The following GRK3 variants were observed in gnomAD, a reference collection of about 807,000 sequenced individuals.
GRK3 encodes the protein adrenergic, beta, receptor kinase 2.
In GRK3, 54 loss-of-function variants were observed where a neutral mutation model predicts 95.7. The ratio of observed to expected loss-of-function variants is 0.56; its 90% CI spans 0.45 to 0.71. GRK3 has a LOEUF of 0.71. GRK3 is among the 30% of genes least tolerant of loss of function. GRK3 has a pLI of 0.00. For synonymous variants in GRK3, 281 were observed against 290.8 expected (o/e 0.97, Z 0.34); for missense variants, 649 against 851.2 (o/e 0.76, Z 2.96).
chr22:25,625,881 C>T (rs184302886), intron 2 of GRK3, among the ~76,000 whole-genome samples: 5 of 146,310 alleles, frequency 3.4e-5, no homozygotes, highest in South Asian at 2.1e-4. Flanking sequence ...CCAGTGGACA[C>T]GTGACCCACG....
intron 15 of GRK3, among the ~76,000 whole-genome samples, chr22:25,709,611 TGTGC>T (rs2085328105): frequency 6.6e-6 from 1 of 152,150 alleles, no homozygotes; most frequent in East Asian, 1.9e-4. Flanking sequence ...TGTGTGTGTG[TGTGC>T]GTGTGTATAT....
At chr22:25,624,918 T>C (rs1420650315) in intron 2 of GRK3, among the ~76,000 whole-genome samples, 1 of 150,800 alleles carries the variant, frequency 6.6e-6, no homozygotes. Context: ...ATGATGAATC[T>C]CTTTTTTTTT....
intron 2 of GRK3, among the ~76,000 whole-genome samples, chr22:25,618,978 G>A (rs990150645): frequency 1.3e-5 from 2 of 152,106 alleles, no homozygotes; most frequent in Non-Finnish European, 2.9e-5. Context: ...TTTCTCTCTA[G>A]CTTCCTGGCT....
chr22:25,691,188 A>C (rs2085162276), intron 12 of GRK3, among the ~76,000 whole-genome samples: 1 of 152,234 alleles, frequency 6.6e-6, no homozygotes, highest in Admixed American at 6.5e-5. Flanking sequence ...GTGGAAAAGC[A>C]GACAACTTTT....
In GRK3 at chr22:25,564,727, G is replaced by A. The variant is rs1931367532; in HGVS notation, c.-314G>A. 6.6e-6 allele frequency: 1 copy of A among 151,328 alleles called. No individual in the cohort carries two copies. Among genetic ancestry groups the A allele is most frequent in the Non-Finnish European group, 1.5e-5 (1 of 67,746 alleles). 9.4% of individuals were successfully genotyped at this position (151,328 alleles called of 1,614,324 possible). A position where few individuals can be genotyped will look rare whatever the true frequency, so the allele number is the denominator to read the frequency against. ...AGGCCGCTGGGACTGTGCACTGAGGGGCGCTGACCGTTGGACGCGCGCTCC... is the reference window on the plus strand; with the variant it reads ...AGGCCGCTGGGACTGTGCACTGAGGAGCGCTGACCGTTGGACGCGCGCTCC... On this transcript the variant is annotated 5_prime_UTR_variant, in exon 1 of 21. Coordinates refer to ENST00000324198, the MANE Select transcript of GRK3 (RefSeq NM_005160.4).
At chr22:25,628,232 C>T (rs959182618) in intron 2 of GRK3, among the ~76,000 whole-genome samples, 1 of 152,158 alleles carries the variant, frequency 6.6e-6, no homozygotes, top group Non-Finnish European at 1.5e-5. Flanking sequence ...AAAATGGGCA[C>T]TCCTATCCAT....
intron 13 of GRK3, among the ~76,000 whole-genome samples, chr22:25,700,371 A>G (rs1160624000): frequency 6.6e-6 from 1 of 152,192 alleles, no homozygotes; most frequent in Non-Finnish European, 1.5e-5. Flanking sequence ...AATTGATGTG[A>G]CAGTGGCCTC....
At chr22:25,696,555 A>G (rs1197997973) in intron 13 of GRK3, among the ~76,000 whole-genome samples, 4 of 152,370 alleles carry the variant, frequency 2.6e-5, no homozygotes, top group East Asian at 3.9e-4. Context: ...AAATCATTTT[A>G]CATTAAAATT....
intron 1 of GRK3, chr22:25,581,097 A>C (rs1197124258): frequency 2.0e-5 from 3 of 152,220 alleles, no homozygotes; most frequent in Admixed American, 2.0e-4. Context: ...TTTGAGCAAC[A>C]GAGTGAGACT....
At chr22:25,721,115 T>C (rs2085429001) in intron 19 of GRK3, among the ~76,000 whole-genome samples, 169 bp from the exon 20 acceptor site, 1 of 152,220 alleles carries the variant, frequency 6.6e-6, no homozygotes, top group Non-Finnish European at 1.5e-5. Flanking sequence ...ATTTGAACTT[T>C]TGTTTGTGTT....
chr22:25,686,976 C>T (rs541812367), intron 10 of GRK3, among the ~76,000 whole-genome samples: 60 of 152,214 alleles, frequency 3.9e-4, no homozygotes, highest in Admixed American at 7.2e-4. Context: ...TGTGCCACCA[C>T]GCCTGGCTAA....
chr22:25,603,542 G>A (rs2084423592), intron 1 of GRK3, among the ~76,000 whole-genome samples: 1 of 152,082 alleles, frequency 6.6e-6, no homozygotes, highest in Non-Finnish European at 1.5e-5. Context: ...ATAAGCCCCA[G>A]TATCTTTATT....
At chr22:25,582,928 G>A (rs997100239) in intron 1 of GRK3, among the ~76,000 whole-genome samples, 1 of 152,184 alleles carries the variant, frequency 6.6e-6, no homozygotes, top group Non-Finnish European at 1.5e-5. Context: ...GGAGATGAAT[G>A]GATACGAGGA....
intron 12 of GRK3, among the ~76,000 whole-genome samples, chr22:25,691,166 CAT>C (rs2085162138): frequency 2.6e-5 from 4 of 152,156 alleles, no homozygotes; most frequent in Admixed American, 2.6e-4. Flanking sequence ...AGTATGAACA[CAT>C]GTACAGTTTG....
At chr22:25,677,674 C>T (rs909369683) in intron 8 of GRK3, among the ~76,000 whole-genome samples, 3 of 152,128 alleles carry the variant, frequency 2.0e-5, no homozygotes, top group Non-Finnish European at 4.4e-5. Context: ...TTATGATCAA[C>T]AAGAAAAAGG....
chr22:25,684,940 A>G (rs2085101240), intron 9 of GRK3, among the ~76,000 whole-genome samples: 1 of 152,206 alleles, frequency 6.6e-6, no homozygotes, highest in Admixed American at 6.5e-5. Context: ...TTCTCACCAC[A>G]AAGAAGTGAT....
intron 17 of GRK3, among the ~76,000 whole-genome samples, chr22:25,713,044 C>A (rs1568939819): frequency 6.6e-6 from 1 of 152,188 alleles, no homozygotes; most frequent in African/African-American, 2.4e-5. Context: ...TAAAAAAATT[C>A]ATTTTCAGCA....
intron 8 of GRK3, among the ~76,000 whole-genome samples, chr22:25,677,945 C>A (rs1369144666): frequency 6.6e-6 from 1 of 152,120 alleles, no homozygotes; most frequent in Non-Finnish European, 1.5e-5. Context: ...TCTTAAGTTG[C>A]CAATTGGTTC....
chr22:25,611,715 G>C (rs982531519), intron 2 of GRK3, among the ~76,000 whole-genome samples: 5 of 151,914 alleles, frequency 3.3e-5, no homozygotes, highest in African/African-American at 1.2e-4. Context: ...TTTTCTTCTG[G>C]TTGGTGGCTG....
Sources: gnomAD v4.1 joint callset for allele counts (sites outside exome capture counted in the v4.1 genomes callset) on GRCh38, gnomAD v4.1.1 for gene constraint, MANE v1.5 for transcripts, NCBI Gene and HGNC (gene_info 2026-07-23, HGNC 2026-07-21) for gene names.